UBE2W: variants seen among roughly 807,000 people sequenced by gnomAD.
The protein encoded by UBE2W is ubiquitin conjugating enzyme E2 W, also known as ubiquitin-conjugating enzyme E2 W.
UBE2W carries 18 observed loss-of-function variants against 27.2 expected under a neutral mutation model. That is an observed-to-expected ratio of 0.66 (90% CI 0.46 to 0.98). UBE2W has a LOEUF of 0.98. UBE2W is among the 50% of genes least tolerant of loss of function. The pLI is 0.00. For synonymous variants in UBE2W, 53 were observed against 57.2 expected (o/e 0.93, Z 0.33); for missense variants, 90 against 180.2 (o/e 0.50, Z 2.87).
downstream of UBE2W, among the ~76,000 whole-genome samples, chr8:73,783,896 G>T (rs762374751): frequency 6.6e-6 from 1 of 152,060 alleles, no homozygotes; most frequent in Non-Finnish European, 1.5e-5. Flanking sequence ...CAAGTAGCTG[G>T]GATTACAGGC....
At chr8:73,859,838 T>A (rs935148134) in intron 1 of UBE2W, among the ~76,000 whole-genome samples, 4 of 152,206 alleles carry the variant, frequency 2.6e-5, no homozygotes, top group Non-Finnish European at 4.4e-5. Flanking sequence ...CATTAACAGA[T>A]GTTCTGTCCT....
At position 73,794,121 on chromosome 8, in the gene UBE2W, A is replaced by T. The variant is rs749514561; in HGVS notation, c.443-6T>A. The T allele has an allele frequency of 7.4e-6, 12 of 1,612,914 alleles. No homozygotes were observed. The highest frequency in any genetic ancestry group is 1.0e-5 in the Non-Finnish European group (12 of 1,179,424). ...GTGGCATCAACAAGTATCATCTTTA[A>T]GAAAAGGAGAAAAAAGATAATTAAA... On this transcript the variant is annotated splice_region_variant and splice_polypyrimidine_tract_variant and intron_variant, in intron 5 of 5. Coordinates refer to ENST00000602593, the MANE Select transcript of UBE2W (RefSeq NM_018299.6).
downstream of UBE2W, among the ~76,000 whole-genome samples, chr8:73,785,748 C>T (rs548096136): frequency 5.2e-4 from 79 of 152,182 alleles, no homozygotes; most frequent in African/African-American, 1.9e-3. Context: ...CCCACCACCA[C>T]GCCGTTATTT....
In UBE2W at chr8:73,835,210, C is replaced by T. The variant is rs190407226; in HGVS notation, c.16-4738G>A. Among the ~76,000 whole-genome samples, 164 of 149,412 alleles carry T rather than the reference C, an allele frequency of 1.1e-3. 1 individual carries two copies. Among genetic ancestry groups the T allele is most frequent in the African/African-American group, 3.8e-3 (152 of 40,058 alleles). ...GGTATATCATCCCTGGTCTCCTGAACATAATGGAAAAGGGTTCTATAGAAA... is the reference window on the plus strand; with the variant it reads ...GGTATATCATCCCTGGTCTCCTGAATATAATGGAAAAGGGTTCTATAGAAA... On this transcript the variant is annotated intron_variant, in intron 1 of 5. Coordinates refer to ENST00000602593, the MANE Select transcript of UBE2W (RefSeq NM_018299.6).
intron 1 of UBE2W, among the ~76,000 whole-genome samples, chr8:73,862,423 C>T (rs111750557): frequency 0.058 from 8,818 of 152,166 alleles, 845 homozygotes; most frequent in African/African-American, 0.2. Context: ...AATCCTTTCC[C>T]CATTTCTTGT....
chr8:73,814,846 C>A (rs6992853), intron 3 of UBE2W, among the ~76,000 whole-genome samples: 37,427 of 152,126 alleles, frequency 0.25, 7,841 homozygotes, highest in African/African-American at 0.58. Flanking sequence ...TTATTACTAC[C>A]TTTCCAAACA....
intron 3 of UBE2W, among the ~76,000 whole-genome samples, chr8:73,823,825 A>T (rs1175118410): frequency 1.3e-5 from 2 of 152,188 alleles, no homozygotes; most frequent in Non-Finnish European, 2.9e-5. Flanking sequence ...TAAAACAATT[A>T]TCTCTTTACT....
In UBE2W at chr8:73,788,183, T is replaced by A; in HGVS notation, c.*5919A>T. 4.1e-6 allele frequency: 4 copies of A among 966,730 alleles called. No individual in the cohort carries two copies. The highest frequency in any genetic ancestry group is 4.9e-6 in the Non-Finnish European group (4 of 813,134). The allele number at this position is 966,730 out of a possible 1,614,324, so 59.9% of individuals were successfully genotyped here. On this transcript the variant is annotated 3_prime_UTR_variant, in exon 6 of 6. Coordinates refer to ENST00000602593, the MANE Select transcript of UBE2W (RefSeq NM_018299.6). ...TATGAAATTCCATAAAGCAAAGTAATCTGCATTCAACTAACAAGTCTGATA... is the reference window on the plus strand; with the variant it reads ...TATGAAATTCCATAAAGCAAAGTAAACTGCATTCAACTAACAAGTCTGATA...
Position 73,787,228 on chromosome 8 carries a change from G to A in UBE2W, c.*6874C>T. 4 of 985,386 alleles carry A rather than the reference G, an allele frequency of 4.1e-6. No individual in the cohort carries two copies. The highest frequency in any genetic ancestry group is 4.8e-6 in the Non-Finnish European group (4 of 829,922). The allele number at this position is 985,386 out of a possible 1,614,324, so 61.0% of individuals were successfully genotyped here. ...AACCACAGTGGCTTTGAGCTTTGTT[G>A]TCCAAGTACACAAAACTCTTAGCTG... On this transcript the variant is annotated 3_prime_UTR_variant, in exon 6 of 6. Coordinates refer to ENST00000602593, the MANE Select transcript of UBE2W (RefSeq NM_018299.6).
intron 4 of UBE2W, among the ~76,000 whole-genome samples, chr8:73,806,049 G>C (rs1808890592): frequency 6.6e-6 from 1 of 152,150 alleles, no homozygotes. Context: ...CAGCTACTTG[G>C]GAGGCTGAGG....
chr8:73,812,051 G>C (rs918789499), intron 3 of UBE2W, among the ~76,000 whole-genome samples: 11 of 151,766 alleles, frequency 7.2e-5, no homozygotes, highest in African/African-American at 2.7e-4. Flanking sequence ...CATATGAGTA[G>C]AGTCTTCTAA....
At chr8:73,805,464 A>C (rs79254808) in intron 5 of UBE2W, among the ~76,000 whole-genome samples, 187 bp downstream of exon 5, 1 of 124,626 alleles carries the variant, frequency 8.0e-6, no homozygotes, top group African/African-American at 2.7e-5. Flanking sequence ...CAAAAAAAAA[A>C]AAAAAAACAA....
chr8:73,870,193 G>A, intron 1 of UBE2W: 1 of 1,451,090 alleles, frequency 6.9e-7, no homozygotes. Context: ...ATGTCAAAAT[G>A]GACTTTAATA....
At chr8:73,831,798 T>C (rs1431988440) in intron 1 of UBE2W, 1 of 151,928 alleles carries the variant, frequency 6.6e-6, no homozygotes, top group Non-Finnish European at 1.5e-5. Flanking sequence ...CCTCAAGTGC[T>C]CCTTCCACCC....
chr8:73,789,038 T>C lies in UBE2W; in HGVS notation c.*5064A>G, dbSNP rs74735449. On this transcript the variant is annotated 3_prime_UTR_variant, in exon 6 of 6. Transcript: ENST00000602593. ...AAATACAAGTCACAATATTAACATA[T>C]GAAAATTAAAATTACAATTAACATC... 11,543 of 984,396 alleles carry C rather than the reference T, an allele frequency of 0.012. 958 individuals are homozygous for C. In the African/African-American group the frequency reaches 0.18, roughly 15 times the overall value. 61.0% of individuals were successfully genotyped at this position (984,396 alleles called of 1,614,324 possible). A position where few individuals can be genotyped will look rare whatever the true frequency, so the allele number is the denominator to read the frequency against.
chr8:73,854,985 T>C (rs1015024437), intron 1 of UBE2W, among the ~76,000 whole-genome samples: 2 of 152,234 alleles, frequency 1.3e-5, no homozygotes, highest in Non-Finnish European at 2.9e-5. Context: ...GGTAAATTTA[T>C]GTCATCTGTT....
At chr8:73,862,372 T>C (rs919240361) in intron 1 of UBE2W, among the ~76,000 whole-genome samples, 11 of 152,232 alleles carry the variant, frequency 7.2e-5, no homozygotes, top group African/African-American at 2.7e-4. Flanking sequence ...GCTTTCTACA[T>C]ATGGCTAGCC....
At position 73,792,620 on chromosome 8, in the gene UBE2W, A is replaced by G. The variant is rs1259950169; in HGVS notation, c.*1482T>C. 2.0e-5 allele frequency: 20 copies of G among 985,578 alleles called. No homozygotes were observed. Among genetic ancestry groups the G allele is most frequent in the Non-Finnish European group, 2.4e-5 (20 of 829,778 alleles). 61.1% of individuals were successfully genotyped at this position (985,578 alleles called of 1,614,324 possible). ...AATTGATTCATATATTCACTGCAGG[A>G]TATTTCAAAAAGAGTGCAACAATAA... On this transcript the variant is annotated 3_prime_UTR_variant, in exon 6 of 6. Transcript: ENST00000602593.
chr8:73,835,503 G>A (rs1473420513), intron 1 of UBE2W, among the ~76,000 whole-genome samples: 1 of 152,200 alleles, frequency 6.6e-6, no homozygotes, highest in Non-Finnish European at 1.5e-5. Context: ...AGTACTTTGG[G>A]AGGCCGAGGT....
Sources: allele counts gnomAD v4.1 joint callset (sites outside exome capture counted in the v4.1 genomes callset), GRCh38; gene constraint gnomAD v4.1.1; transcripts MANE v1.5; gene names NCBI Gene and HGNC (gene_info 2026-07-23, HGNC 2026-07-21).